The following PTPRR variants were observed in gnomAD, a reference collection of about 807,000 sequenced individuals.
The protein encoded by PTPRR is protein tyrosine phosphatase receptor type R, also known as receptor-type tyrosine-protein phosphatase R.
Under a neutral mutation model 77.2 loss-of-function variants are expected in PTPRR, and 38 were observed. That is an observed-to-expected ratio of 0.49 (90% confidence interval 0.38 to 0.65). The LOEUF is 0.65. PTPRR is among the 30% of genes least tolerant of loss of function. PTPRR has a pLI of 0.00. For synonymous variants in PTPRR, 299 were observed against 283.1 expected (o/e 1.06, Z -0.57); for missense variants, 744 against 799.2 (o/e 0.93, Z 0.83).
chr12:70,840,070 C>A (rs147576261), intron 2 of PTPRR, among the ~76,000 whole-genome samples: 249 of 152,268 alleles, frequency 1.6e-3, no homozygotes, highest in South Asian at 5.4e-3. Context: ...TTACCTCAAC[C>A]TGATTGGCTT....
intron 10 of PTPRR, chr12:70,672,921 C>T (rs1887292345): frequency 1.3e-6 from 2 of 1,509,980 alleles, no homozygotes; most frequent in Non-Finnish European, 1.8e-6. Flanking sequence ...CAGCTTAGCC[C>T]AGGGAAATGT....
chr12:70,838,477 A>G (rs1892341574), intron 2 of PTPRR, among the ~76,000 whole-genome samples: 1 of 152,214 alleles, frequency 6.6e-6, no homozygotes, highest in Non-Finnish European at 1.5e-5. Context: ...CTGTCAGCAT[A>G]AAGATGATTT....
At chr12:70,797,159 G>A (rs1891530429) in intron 2 of PTPRR, among the ~76,000 whole-genome samples, 1 of 151,926 alleles carries the variant, frequency 6.6e-6, no homozygotes, top group African/African-American at 2.4e-5. Context: ...TGTTTCCCTG[G>A]CTTGAAATGA....
chr12:70,651,026 C>T (rs1342255241), intron 13 of PTPRR, among the ~76,000 whole-genome samples: 1 of 152,202 alleles, frequency 6.6e-6, no homozygotes, highest in African/African-American at 2.4e-5. Context: ...TCATTTTATA[C>T]TGGGCCTCAC....
At chr12:70,787,274 A>G (rs1314773408) in intron 2 of PTPRR, among the ~76,000 whole-genome samples, 2 of 152,356 alleles carry the variant, frequency 1.3e-5, no homozygotes, top group East Asian at 3.9e-4. Context: ...TATTGATCAG[A>G]AAAACAAGGG....
At chr12:70,786,768 C>T (rs142900093) in intron 2 of PTPRR, among the ~76,000 whole-genome samples, 184 of 152,304 alleles carry the variant, frequency 1.2e-3, no homozygotes, top group African/African-American at 4.3e-3. Context: ...CTATACAATT[C>T]TCCAAGAAAC....
chr12:70,701,237 T>G lies in PTPRR; in HGVS notation c.1094A>C (p.Lys365Thr). 1 of 1,613,950 alleles carries G rather than the reference T, an allele frequency of 6.2e-7. No individual in the cohort carries two copies. Among genetic ancestry groups the G allele is most frequent in the Admixed American group, 1.7e-5 (1 of 59,946 alleles). Residue 365 changes from lysine (K) to threonine (T), a missense_variant, in exon 7 of 14, where the codon AAG (lysine) becomes ACG (threonine). Transcript: ENST00000283228. The part of the protein sequence containing the change: ...PFVSIPTPRE[K>T]VAMEYLQSAS... ...TGACTGCAGATACTCCATTGCTACC[T>G]TCTCCCGTGGTGTTGGTATAGACAC...
At chr12:70,772,291 C>A (rs192763698) in intron 2 of PTPRR, among the ~76,000 whole-genome samples, 1 of 152,258 alleles carries the variant, frequency 6.6e-6, no homozygotes, top group Admixed American at 6.5e-5. Context: ...TGAGTACACA[C>A]TTCTCTAATA....
At chr12:70,802,334 T>C (rs1305045564) in intron 2 of PTPRR, among the ~76,000 whole-genome samples, 1 of 152,238 alleles carries the variant, frequency 6.6e-6, no homozygotes, top group African/African-American at 2.4e-5. Flanking sequence ...CTGTCTCATT[T>C]ACTCTATCAG....
chr12:70,754,852 G>T, intron 4 of PTPRR: 1 of 910,820 alleles, frequency 1.1e-6, no homozygotes, highest in Non-Finnish European at 1.6e-6. Flanking sequence ...GTCAAAACCT[G>T]ACTAAAATAT....
chr12:70,661,209 T>C, intron 11 of PTPRR, 112 bp from the exon 12 acceptor site: 1 of 1,395,928 alleles, frequency 7.2e-7, no homozygotes, highest in Non-Finnish European at 9.9e-7. Flanking sequence ...AATTTATTTC[T>C]AGGTGGGAAA....
intron 2 of PTPRR, among the ~76,000 whole-genome samples, chr12:70,775,105 G>A (rs570038289): frequency 1.4e-4 from 21 of 152,224 alleles, no homozygotes; most frequent in African/African-American, 4.1e-4. Context: ...AATGCAAATG[G>A]TAAGCCACTT....
chr12:70,908,596 CCTCCCACAACAGGTGGG>C (rs1893657828), intron 1 of PTPRR, among the ~76,000 whole-genome samples: 1 of 152,106 alleles, frequency 6.6e-6, no homozygotes, highest in African/African-American at 2.4e-5. Flanking sequence ...CCACCTGGTC[CCTCCCACAACAGGTGGG>C]GATTATGAGA....
Position 70,666,935 on chromosome 12 carries a change from G to GTTTTTTTTTTTTTTTTT in PTPRR, c.1498-4347_1498-4331dup, listed in dbSNP as rs142691396. ...TTTTTGATTAACTGTGTGTTTTTCT[G>GTTTTTTTTTTTTTTTTT]TTTTTTTTTTTTTTTTTTTTTTTTT... On this transcript the variant is annotated intron_variant, in intron 10 of 13. Transcript: ENST00000283228. 6.9e-5 allele frequency among the ~76,000 whole-genome samples: 2 copies of GTTTTTTTTTTTTTTTTT among 29,050 alleles called. 1 individual carries two copies. Among genetic ancestry groups the GTTTTTTTTTTTTTTTTT allele is most frequent in the Non-Finnish European group, 1.8e-4 (2 of 10,902 alleles). 19.1% of individuals were successfully genotyped at this position (29,050 alleles called of 152,430 possible). A position where few individuals can be genotyped will look rare whatever the true frequency, so the allele number is the denominator to read the frequency against.
chr12:70,649,451 A>T (rs1886314022), intron 13 of PTPRR, among the ~76,000 whole-genome samples: 1 of 152,138 alleles, frequency 6.6e-6, no homozygotes, highest in African/African-American at 2.4e-5. Flanking sequence ...GTAGAAAAGG[A>T]TAGAGGAAGG....
intron 2 of PTPRR, among the ~76,000 whole-genome samples, chr12:70,799,933 A>G (rs1891583759): frequency 1.3e-5 from 2 of 152,138 alleles, no homozygotes; most frequent in Admixed American, 1.3e-4. Flanking sequence ...ATCATATTAT[A>G]ACGGTGATTC....
chr12:70,678,794 G>T (rs944949710), intron 10 of PTPRR, among the ~76,000 whole-genome samples: 3 of 151,970 alleles, frequency 2.0e-5, no homozygotes, highest in African/African-American at 7.3e-5. Flanking sequence ...TGATTCTTTT[G>T]CCTCAGCCTC....
At chr12:70,835,153 ATAAT>A (rs1892278826) in intron 2 of PTPRR, among the ~76,000 whole-genome samples, 1 of 152,148 alleles carries the variant, frequency 6.6e-6, no homozygotes, top group African/African-American at 2.4e-5. Context: ...ATAATTAAAA[ATAAT>A]TAATTAAGAA....
chr12:70,833,095 A>T (rs1204087218), intron 2 of PTPRR, among the ~76,000 whole-genome samples: 3 of 152,158 alleles, frequency 2.0e-5, no homozygotes, highest in East Asian at 3.8e-4. Context: ...CTCCCACCAG[A>T]CCTCACCTCC....
Sources: gnomAD v4.1 joint callset for allele counts (sites outside exome capture counted in the v4.1 genomes callset) on GRCh38, gnomAD v4.1.1 for gene constraint, MANE v1.5 for transcripts, NCBI Gene and HGNC (gene_info 2026-07-23, HGNC 2026-07-21) for gene names.